CSMD1: variants seen among roughly 807,000 people sequenced by gnomAD.
The protein encoded by CSMD1 is CUB and Sushi multiple domains 1, also known as CUB and sushi domain-containing protein 1.
A neutral mutation model predicts 417.5 loss-of-function variants in CSMD1; 213 were observed. The ratio of observed to expected loss-of-function variants is 0.51; its 90% CI spans 0.46 to 0.57. The LOEUF is 0.57. CSMD1 is among the 20% of genes least tolerant of loss of function. The pLI is 0.00. For synonymous variants in CSMD1, 2,862 were observed against 1,736.8 expected (o/e 1.65, Z -16.11); for missense variants, 6,923 against 4,529.7 (o/e 1.53, Z -15.17).
At chr8:3,548,580 A>G (rs1438937604) in intron 10 of CSMD1, among the ~76,000 whole-genome samples, 6 of 151,226 alleles carry the variant, frequency 4.0e-5, no homozygotes, top group African/African-American at 4.9e-5. Flanking sequence ...TTCACTTAGA[A>G]TAATAGTCCC....
intron 68 of CSMD1, among the ~76,000 whole-genome samples, chr8:2,944,651 A>G (rs1802096500): frequency 1.3e-5 from 2 of 152,166 alleles, no homozygotes; most frequent in Admixed American, 6.6e-5. Flanking sequence ...ACCTGCAATA[A>G]AACCTAGAAC....
intron 5 of CSMD1, among the ~76,000 whole-genome samples, chr8:3,851,586 G>A (rs1472211963): frequency 6.6e-6 from 1 of 152,316 alleles, no homozygotes. Flanking sequence ...GGCCAAGGGA[G>A]GGCAGGGTTG....
At chr8:3,321,107 C>A (rs768424187) in intron 23 of CSMD1, among the ~76,000 whole-genome samples, 8 of 152,152 alleles carry the variant, frequency 5.3e-5, no homozygotes, top group Non-Finnish European at 8.8e-5. Flanking sequence ...TCCTGTCAAC[C>A]TAGCCACCGA....
At chr8:3,473,981 TA>T (rs1367220136) in intron 11 of CSMD1, among the ~76,000 whole-genome samples, 2 of 152,008 alleles carry the variant, frequency 1.3e-5, no homozygotes, top group Non-Finnish European at 1.5e-5. Flanking sequence ...TCAGATCTAG[TA>T]AAAACTCCTT....
At chr8:4,668,437 A>AT (rs1333143623) in intron 1 of CSMD1, among the ~76,000 whole-genome samples, 1 of 144,896 alleles carries the variant, frequency 6.9e-6, no homozygotes, top group Non-Finnish European at 1.5e-5. Context: ...TATTATTATT[A>AT]TTATTATTAT....
intron 5 of CSMD1, among the ~76,000 whole-genome samples, chr8:3,899,160 T>C (rs928929556): frequency 2.0e-5 from 3 of 152,192 alleles, no homozygotes; most frequent in Non-Finnish European, 4.4e-5. Flanking sequence ...TTGCCAGTAC[T>C]GTCAAAGGTG....
chr8:4,748,061 G>C (rs554321198), intron 1 of CSMD1, among the ~76,000 whole-genome samples: 2 of 152,230 alleles, frequency 1.3e-5, no homozygotes, highest in African/African-American at 2.4e-5. Flanking sequence ...AGGGCACTCA[G>C]CTGTGCCCCC....
intron 2 of CSMD1, among the ~76,000 whole-genome samples, chr8:4,584,791 C>A (rs564317920): frequency 6.6e-6 from 1 of 152,096 alleles, no homozygotes; most frequent in South Asian, 2.1e-4. Flanking sequence ...TGAGGTTAGG[C>A]CCGCTTCTAA....
chr8:4,121,894 G>A (rs187540577), intron 3 of CSMD1, among the ~76,000 whole-genome samples: 1 of 152,000 alleles, frequency 6.6e-6, no homozygotes, highest in East Asian at 1.9e-4. Context: ...ATGACTCTCA[G>A]ATACCAACTC....
intron 5 of CSMD1, among the ~76,000 whole-genome samples, chr8:3,766,697 T>C (rs1305319371): frequency 2.6e-5 from 4 of 152,258 alleles, no homozygotes; most frequent in African/African-American, 7.2e-5. Flanking sequence ...GGTAACAATT[T>C]ATTTTGGGTT....
chr8:3,921,306 A>G (rs1222237634), intron 5 of CSMD1, among the ~76,000 whole-genome samples: 4 of 151,996 alleles, frequency 2.6e-5, no homozygotes, highest in African/African-American at 4.8e-5. Context: ...TTTTCTACTT[A>G]GCATAAGAGT....
intron 1 of CSMD1, among the ~76,000 whole-genome samples, chr8:4,957,430 C>T (rs1246332375): frequency 6.6e-6 from 1 of 152,184 alleles, no homozygotes; most frequent in Admixed American, 6.6e-5. Context: ...CCCTATGTAA[C>T]AGGCGCTTTC....
chr8:3,547,800 A>C (rs550597814), intron 10 of CSMD1, among the ~76,000 whole-genome samples: 1 of 152,332 alleles, frequency 6.6e-6, no homozygotes, highest in South Asian at 2.1e-4. Flanking sequence ...ATTTATGAAA[A>C]GAAAATAAAA....
At chr8:3,275,476 G>C (rs1359439042) in intron 26 of CSMD1, among the ~76,000 whole-genome samples, 1 of 152,118 alleles carries the variant, frequency 6.6e-6, no homozygotes, top group African/African-American at 2.4e-5. Flanking sequence ...ATGTTGACCT[G>C]CCTTGCTAGA....
intron 10 of CSMD1, among the ~76,000 whole-genome samples, chr8:3,533,921 G>A (rs982512082): frequency 6.6e-6 from 1 of 152,140 alleles, no homozygotes; most frequent in Middle Eastern, 3.4e-3. Context: ...AATCCCTTTG[G>A]TCCACCAATC....
At chr8:3,057,772 C>T (rs934577574) in intron 49 of CSMD1, among the ~76,000 whole-genome samples, 1 of 152,150 alleles carries the variant, frequency 6.6e-6, no homozygotes, top group Admixed American at 6.5e-5. Context: ...ACTAAAGATG[C>T]CCGGACTATT....
intron 1 of CSMD1, among the ~76,000 whole-genome samples, chr8:4,874,312 T>C (rs1474449942): frequency 6.6e-6 from 1 of 151,818 alleles, no homozygotes; most frequent in Non-Finnish European, 1.5e-5. Flanking sequence ...TCAATTAGTT[T>C]ATTTTAATTT....
At chr8:3,275,913 C>T (rs1021622677) in intron 26 of CSMD1, among the ~76,000 whole-genome samples, 5 of 152,140 alleles carry the variant, frequency 3.3e-5, no homozygotes, top group Non-Finnish European at 7.3e-5. Context: ...TTGTCTGAAG[C>T]CTTCTTCTCT....
intron 2 of CSMD1, among the ~76,000 whole-genome samples, chr8:4,445,372 G>C (rs1340948101): frequency 1.3e-5 from 2 of 152,012 alleles, no homozygotes; most frequent in Admixed American, 6.5e-5. Flanking sequence ...TATCTCATTT[G>C]AGGAGCTCAA....
Sources: allele counts gnomAD v4.1 joint callset (sites outside exome capture counted in the v4.1 genomes callset), GRCh38; gene constraint gnomAD v4.1.1; transcripts MANE v1.5; gene names NCBI Gene and HGNC (gene_info 2026-07-23, HGNC 2026-07-21).